The following ABCA1 variants were observed in gnomAD, a reference collection of about 807,000 sequenced individuals.
ABCA1 encodes the protein phospholipid-transporting ATPase ABCA1.
In ABCA1, 133 loss-of-function variants were observed where a neutral mutation model predicts 262.5. The observed-to-expected ratio is 0.51, with a 90% CI of 0.44 to 0.59. ABCA1 has a LOEUF of 0.59. ABCA1 is among the 20% of genes least tolerant of loss of function. The pLI is 0.00. For synonymous variants in ABCA1, 1,022 were observed against 1,043.5 expected (o/e 0.98, Z 0.40); for missense variants, 2,452 against 2,777.5 (o/e 0.88, Z 2.63).
intron 34 of ABCA1, among the ~76,000 whole-genome samples, chr9:104,801,512 G>A (rs972614656): frequency 5.3e-5 from 8 of 151,290 alleles, no homozygotes; most frequent in Admixed American, 2.6e-4. Flanking sequence ...AAGCCACCGC[G>A]CCCAGCCTCT....
At chr9:104,849,887 G>T (rs1588399796) in intron 7 of ABCA1, among the ~76,000 whole-genome samples, 1 of 152,216 alleles carries the variant, frequency 6.6e-6, no homozygotes, top group East Asian at 1.9e-4. Context: ...AGGCCAATAT[G>T]CACACTTATA....
intron 6 of ABCA1, among the ~76,000 whole-genome samples, chr9:104,860,053 C>CAAAAAAAAA (rs200596186): frequency 1.6e-5 from 1 of 62,720 alleles, no homozygotes. Flanking sequence ...GACTCCAACT[C>CAAAAAAAAA]AAAAAAAAAA....
chr9:104,887,559 T>A (rs1014150874), intron 3 of ABCA1, among the ~76,000 whole-genome samples: 2 of 152,068 alleles, frequency 1.3e-5, no homozygotes, highest in African/African-American at 2.4e-5. Flanking sequence ...ATGAAAAAAC[T>A]GAGTTTGCCC....
At chr9:104,788,817 C>A (rs1374467254) in intron 44 of ABCA1, among the ~76,000 whole-genome samples, 1 of 152,200 alleles carries the variant, frequency 6.6e-6, no homozygotes, top group Non-Finnish European at 1.5e-5. Flanking sequence ...CAGGTGCAGT[C>A]CCATTTCAGA....
rs200736233 is a variant in ABCA1, at chr9:104,909,354, A to T, written c.-92-5583T>A. 5.9e-5 allele frequency among the ~76,000 whole-genome samples: 9 copies of T among 152,218 alleles called. No individual in the cohort carries two copies. The East Asian group carries it at 1.7e-3, about 29-fold the overall frequency. ...ACAGACAAATAATAGTGGGTTGTTCAAACAGTGGGTGGTGGTGGTAGGATT... is the reference window on the plus strand; with the variant it reads ...ACAGACAAATAATAGTGGGTTGTTCTAACAGTGGGTGGTGGTGGTAGGATT... On this transcript the variant is annotated intron_variant, in intron 1 of 49. Transcript: ENST00000374736.
At chr9:104,874,816 A>T (rs1267348600) in intron 5 of ABCA1, among the ~76,000 whole-genome samples, 1 of 141,832 alleles carries the variant, frequency 7.1e-6, no homozygotes, top group East Asian at 2.0e-4. Context: ...CCCGTCCGGG[A>T]GGGAGGTGGG....
chr9:104,837,078 C>T lies in ABCA1; in HGVS notation c.1213G>A (p.Glu405Lys). The change falls in exon 11 of 50, where the codon GAA (glutamate) becomes AAA (lysine). Residue 405 changes from glutamate to lysine, a missense_variant. By Grantham distance (56) the Glu-to-Lys change is moderately conservative (BLOSUM62 1). Around this residue, in one of 4 missense-constraint regions of ABCA1, gnomAD observed 1,032 missense variants for 1,089.7 expected, o/e 0.95. Transcript: ENST00000374736. ...VMAEVNKTFQ[E>K]LAVFHDLEGM... ...TCCAGATCATGGAACACAGCCAGTT[C>T]CTGGAAGGTCTTGTTCACCTGGAGT... 6.2e-7 allele frequency: 1 copy of T among 1,613,522 alleles called. No individual in the cohort carries two copies. The highest frequency in any genetic ancestry group is 1.1e-5 in the South Asian group (1 of 91,044).
chr9:104,919,214 C>T (rs1319538072), intron 1 of ABCA1, among the ~76,000 whole-genome samples: 1 of 152,118 alleles, frequency 6.6e-6, no homozygotes, highest in Non-Finnish European at 1.5e-5. Context: ...AATTCTCCTC[C>T]TAGGATGGGT....
chr9:104,834,661 C>A (rs1039262710), intron 11 of ABCA1, among the ~76,000 whole-genome samples: 3 of 148,246 alleles, frequency 2.0e-5, no homozygotes, highest in Admixed American at 6.8e-5. Context: ...GGGCAGGAGA[C>A]CTAAGACTGC....
At chr9:104,894,446 T>C (rs548569506) in intron 2 of ABCA1, among the ~76,000 whole-genome samples, 59 of 152,178 alleles carry the variant, frequency 3.9e-4, no homozygotes, top group Non-Finnish European at 7.1e-4. Context: ...AAAAAATTGA[T>C]GATGATAATA....
chr9:104,836,991 C>T lies in ABCA1; in HGVS notation c.1300G>A (p.Asp434Asn), dbSNP rs757415880. 1.2e-6 allele frequency: 2 copies of T among 1,613,800 alleles called. No homozygotes were observed. Among genetic ancestry groups the T allele is most frequent in the East Asian group, 2.2e-5 (1 of 44,864 alleles). ...WTFMENSQEM[D>N]LVRMLLDSRD... is the part of the protein sequence containing the mutation. The stretch of plus-strand genomic sequence containing the variant: ...GGAGGGACACTCACCCGGACAAGGT[C>T]CATTTCTTGGCTGTTCTCCATGAAG... Residue 434 changes from aspartate (D) to asparagine (N), a missense_variant, in exon 11 of 50, where the codon GAC becomes AAC. Physicochemically the swap from Asp to Asn is conservative, Grantham distance 23 (BLOSUM62 1). Around this residue, in one of 4 missense-constraint regions of ABCA1, gnomAD observed 1,032 missense variants for 1,089.7 expected, o/e 0.95. Coordinates refer to ENST00000374736, the MANE Select transcript of ABCA1 (RefSeq NM_005502.4).
chr9:104,811,059 T>A (rs1831239520), intron 28 of ABCA1, 135 bp from the exon 29 acceptor site: 3 of 1,324,874 alleles, frequency 2.3e-6, no homozygotes, highest in East Asian at 2.4e-5. Context: ...ATGCAGGGCC[T>A]ATGACTGTGC....
chr9:104,818,968 A>C (rs924734482), intron 22 of ABCA1, 85 bp from the exon 23 acceptor site: 83 of 1,291,496 alleles, frequency 6.4e-5, no homozygotes, highest in Middle Eastern at 2.6e-4. Flanking sequence ...GAGAGATATT[A>C]GCAGGGGTAA....
intron 1 of ABCA1, among the ~76,000 whole-genome samples, chr9:104,908,650 GAC>G (rs1243610952): frequency 6.6e-6 from 1 of 152,158 alleles, no homozygotes; most frequent in Non-Finnish European, 1.5e-5. Context: ...GACAGAGTGA[GAC>G]ACCTCCTCAT....
At chr9:104,910,872 C>CT (rs1307108739) in intron 1 of ABCA1, among the ~76,000 whole-genome samples, 2 of 151,852 alleles carry the variant, frequency 1.3e-5, no homozygotes, top group African/African-American at 4.8e-5. Flanking sequence ...GCCCAGCTAA[C>CT]TTTTTTGTAT....
chr9:104,787,272 A>G (rs543725687), intron 46 of ABCA1, among the ~76,000 whole-genome samples: 4 of 152,304 alleles, frequency 2.6e-5, no homozygotes, highest in African/African-American at 9.6e-5. Context: ...TTATCTTTTC[A>G]TGACTGATAA....
intron 2 of ABCA1, among the ~76,000 whole-genome samples, chr9:104,895,121 C>G (rs890681577): frequency 9.2e-5 from 14 of 152,220 alleles, no homozygotes; most frequent in Admixed American, 2.6e-4. Flanking sequence ...TAAATTCCTA[C>G]AGAAAACTCT....
chr9:104,890,469 T>C (rs1357246427), intron 2 of ABCA1, among the ~76,000 whole-genome samples: 1 of 151,930 alleles, frequency 6.6e-6, no homozygotes, highest in Non-Finnish European at 1.5e-5. Context: ...GAATCCCAGG[T>C]ACTTGGGAGG....
chr9:104,849,160 CCTT>C (rs1292198359), intron 7 of ABCA1, among the ~76,000 whole-genome samples: 1 of 152,210 alleles, frequency 6.6e-6, no homozygotes, highest in Non-Finnish European at 1.5e-5. Context: ...AGCTTATTCT[CCTT>C]CTCTTAAAAG....
Sources: gnomAD v4.1 joint callset for allele counts (sites outside exome capture counted in the v4.1 genomes callset) on GRCh38, gnomAD v4.1.1 for gene constraint, gnomAD v4.1.1 regional missense constraint, MANE v1.5 for transcripts, NCBI Gene and HGNC (gene_info 2026-07-23, HGNC 2026-07-21) for gene names.